The following NEDD4L variants were observed in gnomAD, a reference collection of about 807,000 sequenced individuals.
NEDD4L encodes NEDD4 like E3 ubiquitin protein ligase, also known as E3 ubiquitin-protein ligase NEDD4-like.
Under a neutral mutation model 148.9 loss-of-function variants are expected in NEDD4L, and 54 were observed. That is an observed-to-expected ratio of 0.36 (90% CI 0.29 to 0.45). The LOEUF (loss-of-function observed/expected upper bound fraction) is 0.45, where lower values mean the gene tolerates loss of function less well. NEDD4L is among the 20% of genes least tolerant of loss of function. NEDD4L has a pLI of 1.00. For missense variants in NEDD4L, 856 were observed against 1,233.8 expected, an observed-to-expected ratio of 0.69 and a Z score of 4.59; for synonymous variants, 433 against 440.7, an observed-to-expected ratio of 0.98 and a Z score of 0.22.
intron 2 of NEDD4L, among the ~76,000 whole-genome samples, chr18:58,174,365 C>G (rs144587970): frequency 0.01 from 1,537 of 152,232 alleles, 32 homozygotes; most frequent in Admixed American, 0.05. Context: ...AGTTCTCGCT[C>G]TGGTTCGTGG....
chr18:58,209,783 A>G (rs975844600), intron 2 of NEDD4L, among the ~76,000 whole-genome samples: 1 of 152,138 alleles, frequency 6.6e-6, no homozygotes, highest in Non-Finnish European at 1.5e-5. Flanking sequence ...TGTAAATCCA[A>G]TAGCTGGTTA....
chr18:58,386,081 T>G (rs2048976133), intron 26 of NEDD4L, among the ~76,000 whole-genome samples: 1 of 151,428 alleles, frequency 6.6e-6, no homozygotes, highest in Non-Finnish European at 1.5e-5. Context: ...TTGAGAGAGA[T>G]TCTCACTGTC....
chr18:58,143,910 C>G (rs1334759241), intron 1 of NEDD4L, among the ~76,000 whole-genome samples: 1 of 152,046 alleles, frequency 6.6e-6, no homozygotes, highest in East Asian at 1.9e-4. Flanking sequence ...TTCCCTGTGG[C>G]CTGATATGAG....
intron 1 of NEDD4L, among the ~76,000 whole-genome samples, chr18:58,111,774 A>G (rs895426583): frequency 6.6e-6 from 1 of 152,172 alleles, no homozygotes; most frequent in African/African-American, 2.4e-5. Flanking sequence ...TTTTGCTTCT[A>G]TGAACCTCTA....
chr18:58,097,944 G>A (rs1274330050), intron 1 of NEDD4L, among the ~76,000 whole-genome samples: 5 of 152,148 alleles, frequency 3.3e-5, no homozygotes, highest in African/African-American at 7.2e-5. Flanking sequence ...TGGGAGGATC[G>A]CTTGAGCCTG....
intron 30 of NEDD4L, among the ~76,000 whole-genome samples, chr18:58,395,682 G>C (rs2050402571): frequency 6.6e-6 from 1 of 152,156 alleles, no homozygotes; most frequent in African/African-American, 2.4e-5. Context: ...CTTGCCCTAT[G>C]TCTCTGCTCC....
At chr18:58,330,517 C>G (rs1198240816) in intron 10 of NEDD4L, among the ~76,000 whole-genome samples, 1 of 152,164 alleles carries the variant, frequency 6.6e-6, no homozygotes, top group Non-Finnish European at 1.5e-5. Flanking sequence ...CTAGATGTTA[C>G]CTTGGGCAGG....
intron 30 of NEDD4L, among the ~76,000 whole-genome samples, chr18:58,394,002 A>G (rs988160056): frequency 1.3e-5 from 2 of 152,164 alleles, no homozygotes; most frequent in African/African-American, 4.8e-5. Context: ...TTTTAGGTAG[A>G]CTCTAAAGCA....
intron 2 of NEDD4L, among the ~76,000 whole-genome samples, chr18:58,235,788 TC>T (rs2045942788): frequency 6.6e-6 from 1 of 152,254 alleles, no homozygotes; most frequent in African/African-American, 2.4e-5. Context: ...GTGGGTGTTT[TC>T]TTTTAAGGCT....
intron 24 of NEDD4L, among the ~76,000 whole-genome samples, chr18:58,379,758 TCTCATGAAAGTGTCGCCGTAA>T (rs1335921606): frequency 6.6e-6 from 1 of 152,092 alleles, no homozygotes; most frequent in Non-Finnish European, 1.5e-5. Context: ...GGTCATTGCT[TCTCATGAAAGTGTCGCCGTAA>T]CTCATGAAAG....
At chr18:58,387,751 G>T in intron 27 of NEDD4L, 1 of 361,220 alleles carries the variant, frequency 2.8e-6, no homozygotes, top group Non-Finnish European at 4.9e-6. Flanking sequence ...TCCATCAGAG[G>T]GCAGTTCTGG....
intron 5 of NEDD4L, among the ~76,000 whole-genome samples, chr18:58,295,641 A>G (rs2055449538): frequency 6.6e-6 from 1 of 152,176 alleles, no homozygotes; most frequent in Admixed American, 6.5e-5. Context: ...ATAGCCTCAG[A>G]AAGCACAGTT....
intron 2 of NEDD4L, among the ~76,000 whole-genome samples, chr18:58,166,587 T>G (rs1186335909): frequency 6.6e-6 from 1 of 152,186 alleles, no homozygotes; most frequent in Non-Finnish European, 1.5e-5. Context: ...TAGTCCAACT[T>G]TTCCATTTTA....
rs372264028 is a variant in NEDD4L at position 58,343,140 on chromosome 18, A to G, written c.1575+37A>G. 114 of 1,523,410 alleles carry G rather than the reference A, an allele frequency of 7.5e-5. No homozygotes were observed. In the African/African-American group the frequency reaches 1.5e-3, roughly 20 times the overall value. 94.4% of individuals were successfully genotyped at this position (1,523,410 alleles called of 1,614,324 possible). A position where few individuals can be genotyped will look rare whatever the true frequency, so the allele number is the denominator to read the frequency against. ...GCTTTTATTTGGCTCCATTTTCATCATGAAGTCTGGCATTAATTCCTTGAT... is the reference window on the plus strand; with the variant it reads ...GCTTTTATTTGGCTCCATTTTCATCGTGAAGTCTGGCATTAATTCCTTGAT... On this transcript the variant is annotated intron_variant, in intron 16 of 30. Coordinates refer to ENST00000400345, the MANE Select transcript of NEDD4L (RefSeq NM_001144967.3).
At chr18:58,280,182 C>T (rs140187942) in intron 5 of NEDD4L, among the ~76,000 whole-genome samples, 200 of 152,216 alleles carry the variant, frequency 1.3e-3, no homozygotes, top group African/African-American at 4.3e-3. Flanking sequence ...AGCCACTGCA[C>T]GTGGCTGCAT....
At chr18:58,097,363 G>A (rs544035398) in intron 1 of NEDD4L, among the ~76,000 whole-genome samples, 1 of 152,300 alleles carries the variant, frequency 6.6e-6, no homozygotes, top group South Asian at 2.1e-4. Context: ...AGTGGGAGAA[G>A]CATTCCATCC....
chr18:58,352,721 G>A (rs574154012), intron 18 of NEDD4L, among the ~76,000 whole-genome samples: 3 of 152,314 alleles, frequency 2.0e-5, no homozygotes, highest in Admixed American at 6.5e-5. Flanking sequence ...TTTTAAGACA[G>A]GTGTGAATAA....
chr18:58,109,337 G>A (rs2085271084), intron 1 of NEDD4L, among the ~76,000 whole-genome samples: 2 of 152,190 alleles, frequency 1.3e-5, no homozygotes, highest in Non-Finnish European at 2.9e-5. Context: ...CCCAGGATGG[G>A]AGCAGGCACT....
intron 1 of NEDD4L, chr18:58,045,081 C>A (rs2081514075): frequency 4.9e-6 from 2 of 404,274 alleles, no homozygotes; most frequent in Admixed American, 4.4e-5. Context: ...GCCCGGGAGT[C>A]CATGATGCAT....
Sources: gnomAD v4.1 joint callset for allele counts (sites outside exome capture counted in the v4.1 genomes callset) on GRCh38, gnomAD v4.1.1 for gene constraint, MANE v1.5 for transcripts, NCBI Gene and HGNC (gene_info 2026-07-23, HGNC 2026-07-21) for gene names.